GIT2: variants seen among roughly 807,000 people sequenced by gnomAD.
GIT2 encodes the protein GIT ArfGAP 2.
A neutral mutation model predicts 100.3 loss-of-function variants in GIT2; 32 were observed. The ratio of observed to expected loss-of-function variants is 0.32; its 90% CI spans 0.24 to 0.43. The LOEUF (loss-of-function observed/expected upper bound fraction) is 0.43. GIT2 is among the 20% of genes least tolerant of loss of function. The pLI, the probability that GIT2 is intolerant of heterozygous loss-of-function variation, is 1.00. For missense variants in GIT2, 737 were observed against 975.1 expected (o/e 0.76, Z 3.25); for synonymous variants, 353 against 364.1 (o/e 0.97, Z 0.35).
chr12:109,932,621 G>T lies in GIT2; in HGVS notation c.*357C>A. 1 of 176,462 alleles carries T rather than the reference G, an allele frequency of 5.7e-6. No homozygotes were observed. The highest frequency in any genetic ancestry group is 1.2e-5 in the Non-Finnish European group (1 of 83,004). 10.9% of individuals were successfully genotyped at this position (176,462 alleles called of 1,614,324 possible). ...GAACTCTCTCAAGAAAATGTTTTATGAAAAATTTCATTTATAGTTTCAGCC... is the reference window on the plus strand; with the variant it reads ...GAACTCTCTCAAGAAAATGTTTTATTAAAAATTTCATTTATAGTTTCAGCC... On this transcript the variant is annotated 3_prime_UTR_variant, in exon 20 of 20. Coordinates refer to ENST00000355312, the MANE Select transcript of GIT2 (RefSeq NM_057169.5).
At position 109,933,265 on chromosome 12, in the gene GIT2, A is replaced by G. The variant is rs1872001210; in HGVS notation, c.2068-75T>C. The G allele has an allele frequency of 1.1e-6, 1 of 877,618 alleles. No individual in the cohort carries two copies. Among genetic ancestry groups the G allele is most frequent in the Admixed American group, 2.1e-5 (1 of 48,190 alleles). The allele number at this position is 877,618 out of a possible 1,614,324, so 54.4% of individuals were successfully genotyped here. On this transcript the variant is annotated intron_variant, in intron 19 of 19. Coordinates refer to ENST00000355312, the MANE Select transcript of GIT2 (RefSeq NM_057169.5). The surrounding 1 kb of genome is among the most constrained non-coding windows in gnomAD (Gnocchi z 4.5). ...AAAAGCAGGGGACAAACATTCTTCT[A>G]AAGCAAACCAAGCTGCTCCCCAGAG... is the stretch of plus-strand genomic sequence containing the variant.
At chr12:109,938,312 A>G (rs1025556940) in intron 18 of GIT2, 68 bp downstream of exon 18, 1 of 1,112,022 alleles carries the variant, frequency 9.0e-7, no homozygotes, top group Non-Finnish European at 1.3e-6. Flanking sequence ...CATTAGGAAC[A>G]TGGGCATCAT....
intron 7 of GIT2, among the ~76,000 whole-genome samples, chr12:109,970,371 T>C (rs908080092): frequency 2.0e-5 from 3 of 152,100 alleles, no homozygotes; most frequent in Non-Finnish European, 2.9e-5. Flanking sequence ...AGTGCGCCTG[T>C]AGTCCCAGCT....
intron 12 of GIT2, among the ~76,000 whole-genome samples, chr12:109,955,086 T>C (rs570661663): frequency 6.6e-6 from 1 of 152,300 alleles, no homozygotes; most frequent in East Asian, 1.9e-4. Flanking sequence ...CGAGCACTTA[T>C]AGCCACACAC....
At chr12:109,993,089 T>A (rs1404387053) in intron 1 of GIT2, among the ~76,000 whole-genome samples, 1 of 152,036 alleles carries the variant, frequency 6.6e-6, no homozygotes, top group Non-Finnish European at 1.5e-5. Flanking sequence ...AAATGAATAA[T>A]ATTTTTAGTG....
At chr12:109,970,967 G>A (rs967370452) in intron 7 of GIT2, among the ~76,000 whole-genome samples, 2 of 152,086 alleles carry the variant, frequency 1.3e-5, no homozygotes, top group Non-Finnish European at 2.9e-5. Flanking sequence ...TTTATTATTT[G>A]TAGAGATGAG....
chr12:109,964,399 A>G (rs1232605291), intron 9 of GIT2, among the ~76,000 whole-genome samples: 4 of 152,130 alleles, frequency 2.6e-5, no homozygotes, highest in Non-Finnish European at 4.4e-5. Context: ...AGTTTTAGTA[A>G]AGGGTCTTCT....
At chr12:109,992,980 G>A (rs2136995986) in intron 1 of GIT2, among the ~76,000 whole-genome samples, 1 of 150,454 alleles carries the variant, frequency 6.6e-6, no homozygotes, top group Admixed American at 6.7e-5. Context: ...CCAATTAATT[G>A]TTTTACATAA....
At chr12:109,959,034 T>C (rs1368452194) in intron 12 of GIT2, among the ~76,000 whole-genome samples, 2 of 152,096 alleles carry the variant, frequency 1.3e-5, no homozygotes, top group Non-Finnish European at 2.9e-5. Flanking sequence ...ACAGCAGATA[T>C]TATGCAGTTT....
chr12:109,996,331 G>A lies in GIT2; in HGVS notation c.-107C>T. 1 of 743,368 alleles carries A rather than the reference G, an allele frequency of 1.3e-6. No individual in the cohort carries two copies. The highest frequency in any genetic ancestry group is 2.1e-6 in the Non-Finnish European group (1 of 469,190). 46.0% of individuals were successfully genotyped at this position (743,368 alleles called of 1,614,324 possible). On this transcript the variant is annotated 5_prime_UTR_variant, in exon 1 of 20. Transcript: ENST00000355312. ...GGTCCCAGCTGCGGCGGCGCTGACGGCGGCGCCTCTCCCCTCAGCGCCTTG... is the reference window on the plus strand; with the variant it reads ...GGTCCCAGCTGCGGCGGCGCTGACGACGGCGCCTCTCCCCTCAGCGCCTTG...
chr12:109,938,950 C>T (rs1286521412), intron 17 of GIT2: 2 of 546,480 alleles, frequency 3.7e-6, no homozygotes, highest in Non-Finnish European at 6.6e-6. Flanking sequence ...GCTAGAGACA[C>T]ATAACATGCT....
chr12:109,967,255 T>C, intron 8 of GIT2: 1 of 1,216,280 alleles, frequency 8.2e-7, no homozygotes, highest in Non-Finnish European at 1.2e-6. Context: ...AATTTTCCTA[T>C]TAGTAAAATT....
At chr12:109,965,008 C>T (rs1186688484) in intron 9 of GIT2, among the ~76,000 whole-genome samples, 5 of 152,104 alleles carry the variant, frequency 3.3e-5, no homozygotes, top group Non-Finnish European at 5.9e-5. Context: ...ACTCTGAGCA[C>T]GCACATGGGC....
chr12:109,942,016 G>C (rs1234491312), intron 16 of GIT2, among the ~76,000 whole-genome samples: 1 of 151,966 alleles, frequency 6.6e-6, no homozygotes, highest in African/African-American at 2.4e-5. Flanking sequence ...GTGGAGACAA[G>C]GTCTCACTAT....
At position 109,989,712 on chromosome 12, in the gene GIT2, C is replaced by A. The variant is rs772653544; in HGVS notation, c.277G>T (p.Ala93Ser). 3 of 1,545,226 alleles carry A rather than the reference C, an allele frequency of 1.9e-6. No homozygotes were observed. In the Admixed American group the frequency reaches 5.0e-5, roughly 26 times the overall value. The stretch of plus-strand genomic sequence containing the variant: ...CACTGTACTTTATCCTGTGGATTAG[C>A]TTTACGTCTTCCACTCATAATAGAC... Reference protein sequence around the residue: ...PASIMSGRRKANPQDKVHPNK... With the variant: ...PASIMSGRRKSNPQDKVHPNK... Residue 93 changes from alanine (A) to serine (S), a missense_variant, in exon 3 of 20, where the codon GCT (alanine) becomes TCT (serine). Around this residue, in one of 3 missense-constraint regions of GIT2, gnomAD observed 266 missense variants for 376.2 expected, o/e 0.71. Transcript: ENST00000355312.
At chr12:109,953,363 T>C (rs1878458615) in intron 12 of GIT2, 129 bp from the exon 13 acceptor site, 2 of 857,496 alleles carry the variant, frequency 2.3e-6, no homozygotes, top group Admixed American at 4.3e-5. Context: ...CTCTTGCCTG[T>C]AATCCCAGCA....
intron 18 of GIT2, among the ~76,000 whole-genome samples, chr12:109,936,177 TATAA>T (rs2136138902): frequency 6.6e-6 from 1 of 151,564 alleles, no homozygotes; most frequent in Non-Finnish European, 1.5e-5. Context: ...ATTTATGAAA[TATAA>T]ATTCTCTAGA....
rs1456332364 is a variant in GIT2, at chr12:109,930,964, G to GC, written c.*2013dup. On this transcript the variant is annotated 3_prime_UTR_variant, in exon 20 of 20. Coordinates refer to ENST00000355312, the MANE Select transcript of GIT2 (RefSeq NM_057169.5). ...CCCGGGAGCATCCAACAGCAATGTGGCACTTAGGGCTGTGGGACAAACAAG... is the reference window on the plus strand; with the variant it reads ...CCCGGGAGCATCCAACAGCAATGTGGCCACTTAGGGCTGTGGGACAAACAAG... 6.6e-6 allele frequency: 1 copy of GC among 152,182 alleles called. No homozygotes were observed. The highest frequency in any genetic ancestry group is 2.4e-5 in the African/African-American group (1 of 41,428). 9.4% of individuals were successfully genotyped at this position (152,182 alleles called of 1,614,324 possible). A position where few individuals can be genotyped will look rare whatever the true frequency, so the allele number is the denominator to read the frequency against.
chr12:109,981,117 G>A lies in GIT2; in HGVS notation c.624-71C>T, dbSNP rs78613700. The A allele has an allele frequency of 7.9e-3, 7,762 of 983,908 alleles. 40 individuals are homozygous for A. Among genetic ancestry groups the A allele is most frequent in the Non-Finnish European group, 0.011 (6,836 of 605,838 alleles). The allele number at this position is 983,908 out of a possible 1,614,324, so 60.9% of individuals were successfully genotyped here. A position where few individuals can be genotyped will look rare whatever the true frequency, so the allele number is the denominator to read the frequency against. On this transcript the variant is annotated intron_variant, in intron 6 of 19. Coordinates refer to ENST00000355312, the MANE Select transcript of GIT2 (RefSeq NM_057169.5). ...TGACTTTAAAATGGAGTACAAAGAC[G>A]TCTCCTGAGACACCTGAGCAGTTTA...
Sources: gnomAD v4.1 joint callset for allele counts (sites outside exome capture counted in the v4.1 genomes callset) on GRCh38, gnomAD v4.1.1 for gene constraint, gnomAD v4.1.1 regional missense constraint, Gnocchi (gnomAD v3.1) non-coding constraint, MANE v1.5 for transcripts, NCBI Gene and HGNC (gene_info 2026-07-23, HGNC 2026-07-21) for gene names.